Variants in NUP155 observed in about 807,000 individuals in gnomAD.
The protein encoded by NUP155 is nucleoporin 155.
A neutral mutation model predicts 180.4 loss-of-function variants in NUP155; 71 were observed. The observed-to-expected ratio is 0.39, with a 90% CI of 0.33 to 0.48. NUP155 has a LOEUF of 0.48. Ranked by LOEUF, NUP155 falls within the 20% of genes least tolerant of loss-of-function variation. The pLI, the probability that NUP155 is intolerant of heterozygous loss-of-function variation, is 0.91. For synonymous variants in NUP155, 582 were observed against 559.5 expected (o/e 1.04, Z -0.57); for missense variants, 1,553 against 1,648.9 (o/e 0.94, Z 1.01).
At chr5:37,310,255 C>T (rs1561774545) in intron 23 of NUP155, among the ~76,000 whole-genome samples, 1 of 152,052 alleles carries the variant, frequency 6.6e-6, no homozygotes, top group Non-Finnish European at 1.5e-5. Flanking sequence ...GAGTCTAGGA[C>T]TTAGAAGCTG....
At chr5:37,346,836 C>T (rs75715091) in intron 9 of NUP155, among the ~76,000 whole-genome samples, 323 of 152,234 alleles carry the variant, frequency 2.1e-3, no homozygotes, top group African/African-American at 7.4e-3. Flanking sequence ...TTTCAGTTTC[C>T]TCATGAATAA....
At chr5:37,304,912 C>T in intron 26 of NUP155, 69 bp from the exon 27 acceptor site, 2 of 1,494,424 alleles carry the variant, frequency 1.3e-6, no homozygotes, top group Non-Finnish European at 9.3e-7. Flanking sequence ...ACCCTTTAGC[C>T]CTATAAACTC....
intron 29 of NUP155, 79 bp downstream of exon 29, chr5:37,302,700 A>C (rs767255680): frequency 1.4e-6 from 2 of 1,455,078 alleles, no homozygotes; most frequent in African/African-American, 1.4e-5. Flanking sequence ...CCTATTACTT[A>C]CCAAGGGAAG....
At chr5:37,352,545 C>CAA (rs1338597149) in intron 5 of NUP155, among the ~76,000 whole-genome samples, 192 bp downstream of exon 5, 1 of 151,708 alleles carries the variant, frequency 6.6e-6, no homozygotes, top group Non-Finnish European at 1.5e-5. Flanking sequence ...TCTCAAAAAA[C>CAA]AAAACAAAAC....
intron 12 of NUP155, among the ~76,000 whole-genome samples, chr5:37,335,603 C>T (rs904099695): frequency 2.0e-5 from 3 of 151,988 alleles, no homozygotes; most frequent in African/African-American, 7.3e-5. Flanking sequence ...AATACTTTTG[C>T]ACATATCTCC....
chr5:37,344,350 A>C (rs1745937511), intron 9 of NUP155, among the ~76,000 whole-genome samples: 1 of 150,298 alleles, frequency 6.7e-6, no homozygotes, highest in Non-Finnish European at 1.5e-5. Context: ...TCAAAGAAAA[A>C]AAAAAAAAAA....
chr5:37,348,719 C>A, intron 8 of NUP155, 123 bp from the exon 9 acceptor site: 2 of 704,830 alleles, frequency 2.8e-6, no homozygotes, highest in South Asian at 1.6e-5. Flanking sequence ...CATTCAGATT[C>A]GAAATTTCAT....
chr5:37,292,343 G>A (rs1742280302), intron 34 of NUP155, among the ~76,000 whole-genome samples: 1 of 151,894 alleles, frequency 6.6e-6, no homozygotes, highest in Non-Finnish European at 1.5e-5. Flanking sequence ...AGCCTCCCGT[G>A]TAGCTGGGAC....
intron 4 of NUP155, among the ~76,000 whole-genome samples, chr5:37,355,084 T>G (rs1452552325): frequency 8.0e-5 from 12 of 149,968 alleles, no homozygotes; most frequent in African/African-American, 2.0e-4. Flanking sequence ...AGAATGAGAC[T>G]CCATCTCAAA....
In NUP155 at chr5:37,348,652, T is replaced by C. The variant is rs1030621335; in HGVS notation, c.904-56A>G. The C allele has an allele frequency of 6.1e-6, 6 of 983,198 alleles. No homozygotes were observed. In the African/African-American group the frequency reaches 8.0e-5, roughly 13 times the overall value. 60.9% of individuals were successfully genotyped at this position (983,198 alleles called of 1,614,324 possible). A position where few individuals can be genotyped will look rare whatever the true frequency, so the allele number is the denominator to read the frequency against. ...ATGATTATATACTATACACATATTA[T>C]TAAACTCTTTCTTTTAAGGGATCCT... On this transcript the variant is annotated intron_variant, in intron 8 of 34. Coordinates refer to ENST00000231498, the MANE Select transcript of NUP155 (RefSeq NM_153485.3).
At chr5:37,336,765 T>A (rs908966205) in intron 12 of NUP155, among the ~76,000 whole-genome samples, 16 of 152,182 alleles carry the variant, frequency 1.1e-4, no homozygotes, top group Non-Finnish European at 2.1e-4. Flanking sequence ...ACCCCAGCTC[T>A]TTGAACCTTG....
intron 1 of NUP155, among the ~76,000 whole-genome samples, chr5:37,369,453 G>T (rs1259850726): frequency 6.6e-6 from 1 of 152,172 alleles, no homozygotes; most frequent in Non-Finnish European, 1.5e-5. Flanking sequence ...TGAAAAATTG[G>T]ATGGAAAAGA....
At position 37,301,476 on chromosome 5, in the gene NUP155, T is replaced by C. The variant is rs771286448; in HGVS notation, c.3522A>G (p.Ala1174=). 1 of 1,613,856 alleles carries C rather than the reference T, an allele frequency of 6.2e-7. No individual in the cohort carries two copies. Among genetic ancestry groups the C allele is most frequent in the South Asian group, 1.1e-5 (1 of 91,080 alleles). ...TCAGCTCAGAATCCAGCTGAGAAACTGCATCCTGTACAGAAGAATGATGGG... is the reference window on the plus strand; with the variant it reads ...TCAGCTCAGAATCCAGCTGAGAAACCGCATCCTGTACAGAAGAATGATGGG... ...QYSHHSSVQD[A]VSQLDSELMD... is the part of the protein sequence containing the mutation. The change falls in exon 30 of 35, where the codon GCA becomes GCG. Residue 1174 remains alanine (A), a synonymous_variant. Coordinates refer to ENST00000231498, the MANE Select transcript of NUP155 (RefSeq NM_153485.3).
In NUP155 at chr5:37,289,818, T is replaced by C. The variant is rs1424334547; in HGVS notation, c.*2082A>G. ...CTGGAGTCACACCTAAATTACAACATTCAGACAAGGCCTTCCTTTTAAGTA... is the reference window on the plus strand; with the variant it reads ...CTGGAGTCACACCTAAATTACAACACTCAGACAAGGCCTTCCTTTTAAGTA... On this transcript the variant is annotated 3_prime_UTR_variant, in exon 35 of 35. Transcript: ENST00000231498. 6.6e-6 allele frequency: 1 copy of C among 152,224 alleles called. No homozygotes were observed. Among genetic ancestry groups the C allele is most frequent in the Non-Finnish European group, 1.5e-5 (1 of 68,038 alleles). 9.4% of individuals were successfully genotyped at this position (152,224 alleles called of 1,614,324 possible). A position where few individuals can be genotyped will look rare whatever the true frequency, so the allele number is the denominator to read the frequency against.
intron 18 of NUP155, 83 bp from the exon 19 acceptor site, chr5:37,326,050 G>T: frequency 3.1e-6 from 3 of 961,308 alleles, no homozygotes; most frequent in Non-Finnish European, 3.3e-6. Flanking sequence ...GAACTTAATG[G>T]CTTTATTCAG....
chr5:37,338,791 A>C (rs1159279262), intron 11 of NUP155, among the ~76,000 whole-genome samples: 2 of 152,182 alleles, frequency 1.3e-5, no homozygotes, highest in Admixed American at 1.3e-4. Flanking sequence ...AGACTCCTTA[A>C]GTGTTCTCAA....
At chr5:37,310,197 G>C (rs868216870) in intron 23 of NUP155, among the ~76,000 whole-genome samples, 14 of 152,036 alleles carry the variant, frequency 9.2e-5, no homozygotes, top group Admixed American at 5.3e-4. Flanking sequence ...AATTGGCTGG[G>C]TGTAGTGGTG....
At position 37,365,711 on chromosome 5, in the gene NUP155, GAGAAAA is replaced by G. The variant is rs1346075733; in HGVS notation, c.158-1333_158-1328del. On this transcript the variant is annotated intron_variant, in intron 1 of 34. Transcript: ENST00000231498. ...TGACAGAGCAAGACTCTGTCTCGGG[GAGAAAA>G]AAAAAAAAAAAAAAAAAAAAAATAT... 2.6e-3 allele frequency among the ~76,000 whole-genome samples: 89 copies of G among 33,990 alleles called. 12 individuals carry two copies. Among genetic ancestry groups the G allele is most frequent in the African/African-American group, 0.012 (77 of 6,298 alleles). 22.3% of individuals were successfully genotyped at this position (33,990 alleles called of 152,430 possible). A position where few individuals can be genotyped will look rare whatever the true frequency, so the allele number is the denominator to read the frequency against.
At chr5:37,341,473 T>C (rs1745718274) in intron 10 of NUP155, among the ~76,000 whole-genome samples, 1 of 152,238 alleles carries the variant, frequency 6.6e-6, no homozygotes, top group Admixed American at 6.5e-5. Context: ...GCGATTCTCC[T>C]GCCTTAGCCT....
Sources: gnomAD v4.1 joint callset for allele counts (sites outside exome capture counted in the v4.1 genomes callset) on GRCh38, gnomAD v4.1.1 for gene constraint, MANE v1.5 for transcripts, NCBI Gene and HGNC (gene_info 2026-07-23, HGNC 2026-07-21) for gene names.